GID8: variants seen among roughly 807,000 people sequenced by gnomAD.
The protein encoded by GID8 is GID complex subunit 8 homolog.
GID8 carries 6 observed loss-of-function variants against 27.4 expected under a neutral mutation model. The ratio of observed to expected loss-of-function variants is 0.22; its 90% CI spans 0.12 to 0.43. The LOEUF (loss-of-function observed/expected upper bound fraction) is 0.43, where lower values mean the gene tolerates loss of function less well. GID8 is among the 20% of genes least tolerant of loss of function. The probability of loss-of-function intolerance (pLI) is 1.00; values close to 1 mark genes in which losing one functional copy is unlikely to be tolerated. For missense variants in GID8, 173 were observed against 287.6 expected, an observed-to-expected ratio of 0.60 and a Z score of 2.88; for synonymous variants, 112 against 109.0, an observed-to-expected ratio of 1.03 and a Z score of -0.17.
intron 1 of GID8, among the ~76,000 whole-genome samples, 168 bp from the exon 2 acceptor site, chr20:62,941,323 T>C (rs554584718): frequency 5.3e-5 from 8 of 152,262 alleles, no homozygotes; most frequent in Admixed American, 5.2e-4. Flanking sequence ...AGTGAACTTA[T>C]TCTTTGCTAA....
Position 62,938,187 on chromosome 20 carries a change from C to A in GID8, c.-79C>A, listed in dbSNP as rs563952256. The A allele has an allele frequency of 4.8e-6, 1 of 209,654 alleles. No individual in the cohort carries two copies. The highest frequency in any genetic ancestry group is 9.5e-6 in the Non-Finnish European group (1 of 105,384). The allele number at this position is 209,654 out of a possible 1,614,324, so 13.0% of individuals were successfully genotyped here. ...CGCCCCGGCGGCCGCCACCTCTCCC[C>A]AGCCCAGGAGAGGCTGCGGAGCCGC... On this transcript the variant is annotated 5_prime_UTR_variant, in exon 1 of 5. Coordinates refer to ENST00000266069, the MANE Select transcript of GID8 (RefSeq NM_017896.3).
intron 2 of GID8, 30 bp from the exon 3 acceptor site, chr20:62,942,957 C>T (rs754643965): frequency 6.4e-7 from 1 of 1,560,004 alleles, no homozygotes; most frequent in Non-Finnish European, 8.8e-7. Flanking sequence ...TGCTAACTTT[C>T]CTAGCAGTGA....
chr20:62,948,177 G>T lies in GID8; in HGVS notation c.*3265G>T, dbSNP rs1202357705. ...TTGCCGTCTGTCTTCAGTAACTGCT[G>T]CTCTGTTAACTGTTCTATTCTGATA... On this transcript the variant is annotated 3_prime_UTR_variant, in exon 5 of 5. Coordinates refer to ENST00000266069, the MANE Select transcript of GID8 (RefSeq NM_017896.3). 6.6e-6 allele frequency: 1 copy of T among 152,230 alleles called. No individual in the cohort carries two copies. Among genetic ancestry groups the T allele is most frequent in the Non-Finnish European group, 1.5e-5 (1 of 68,052 alleles). The allele number at this position is 152,230 out of a possible 1,614,324, so 9.4% of individuals were successfully genotyped here. A position where few individuals can be genotyped will look rare whatever the true frequency, so the allele number is the denominator to read the frequency against.
Position 62,946,064 on chromosome 20 carries a change from A to G in GID8, c.*1152A>G, listed in dbSNP as rs1253978095. ...GGCACATGGCCTTGTAGCTCTGGGC[A>G]CAGATGTGTTTGGATTCATTGCAGC... On this transcript the variant is annotated 3_prime_UTR_variant, in exon 5 of 5. Transcript: ENST00000266069. The G allele has an allele frequency of 1.6e-6, 2 of 1,266,804 alleles. No individual in the cohort carries two copies. The highest frequency in any genetic ancestry group is 2.5e-5 in the South Asian group (2 of 80,484). The allele number at this position is 1,266,804 out of a possible 1,614,324, so 78.5% of individuals were successfully genotyped here. A position where few individuals can be genotyped will look rare whatever the true frequency, so the allele number is the denominator to read the frequency against.
At position 62,946,085 on chromosome 20, in the gene GID8, G is replaced by T. The variant is rs1377358683; in HGVS notation, c.*1173G>T. On this transcript the variant is annotated 3_prime_UTR_variant, in exon 5 of 5. Coordinates refer to ENST00000266069, the MANE Select transcript of GID8 (RefSeq NM_017896.3). ...GGGCACAGATGTGTTTGGATTCATTGCAGCGGACCACCGGGCACTGTTGAC... is the reference window on the plus strand; with the variant it reads ...GGGCACAGATGTGTTTGGATTCATTTCAGCGGACCACCGGGCACTGTTGAC... The T allele has an allele frequency of 8.4e-7, 1 of 1,183,670 alleles. No individual in the cohort carries two copies. The highest frequency in any genetic ancestry group is 1.1e-6 in the Non-Finnish European group (1 of 894,954). The allele number at this position is 1,183,670 out of a possible 1,614,324, so 73.3% of individuals were successfully genotyped here.
chr20:62,941,383 C>T (rs942052241), intron 1 of GID8, 108 bp from the exon 2 acceptor site: 16 of 663,016 alleles, frequency 2.4e-5, no homozygotes, highest in African/African-American at 9.0e-5. Context: ...GTTGTCTTTC[C>T]GTACATGCTC....
intron 1 of GID8, among the ~76,000 whole-genome samples, 154 bp from the exon 2 acceptor site, chr20:62,941,337 T>C (rs1381349701): frequency 1.3e-5 from 2 of 152,248 alleles, no homozygotes; most frequent in African/African-American, 4.8e-5. Flanking sequence ...TTGCTAAGCA[T>C]TGGCATTCTC....
intron 1 of GID8, among the ~76,000 whole-genome samples, chr20:62,939,000 C>T (rs2065423667): frequency 6.6e-6 from 1 of 152,170 alleles, no homozygotes; most frequent in Middle Eastern, 3.4e-3. Flanking sequence ...CTCCTGTTGT[C>T]CCAGTTACTC....
chr20:62,945,797 G>A lies in GID8; in HGVS notation c.*885G>A. On this transcript the variant is annotated 3_prime_UTR_variant, in exon 5 of 5. Coordinates refer to ENST00000266069, the MANE Select transcript of GID8 (RefSeq NM_017896.3). ...GAGCGGCCTTCATTAGAGCGAGGCAGCCCTTGGCCGGTGGGGACGCAGAGC... is the reference window on the plus strand; with the variant it reads ...GAGCGGCCTTCATTAGAGCGAGGCAACCCTTGGCCGGTGGGGACGCAGAGC... 1 of 1,284,070 alleles carries A rather than the reference G, an allele frequency of 7.8e-7. No homozygotes were observed. The highest frequency in any genetic ancestry group is 1.0e-6 in the Non-Finnish European group (1 of 985,030). 79.5% of individuals were successfully genotyped at this position (1,284,070 alleles called of 1,614,324 possible). A position where few individuals can be genotyped will look rare whatever the true frequency, so the allele number is the denominator to read the frequency against.
At position 62,947,353 on chromosome 20, in the gene GID8, CTT is replaced by C. The variant is rs34334590; in HGVS notation, c.*2443_*2444del. 4,068 of 152,438 alleles carry C rather than the reference CTT, an allele frequency of 0.027. 69 individuals carry two copies. Among genetic ancestry groups the C allele is most frequent in the African/African-American group, 0.035 (1,466 of 41,578 alleles). 9.4% of individuals were successfully genotyped at this position (152,438 alleles called of 1,614,324 possible). A position where few individuals can be genotyped will look rare whatever the true frequency, so the allele number is the denominator to read the frequency against. ...CACTTTCTTTGCTCCTTTTTACAGT[CTT>C]TGTCTTTGCAGCAAGCAAATGAAAT... On this transcript the variant is annotated 3_prime_UTR_variant, in exon 5 of 5. Transcript: ENST00000266069.
chr20:62,939,734 T>G (rs1156989579), intron 1 of GID8, among the ~76,000 whole-genome samples: 1 of 152,170 alleles, frequency 6.6e-6, no homozygotes, highest in Non-Finnish European at 1.5e-5. Context: ...CTGCCGATGT[T>G]CTCTCTCGCT....
intron 2 of GID8, among the ~76,000 whole-genome samples, chr20:62,942,270 T>C (rs932373397): frequency 2.6e-5 from 4 of 152,036 alleles, no homozygotes; most frequent in Non-Finnish European, 4.4e-5. Context: ...GGCAACATAG[T>C]GAGACCTTGT....
chr20:62,941,259 A>G (rs2065442352), intron 1 of GID8, among the ~76,000 whole-genome samples: 1 of 152,254 alleles, frequency 6.6e-6, no homozygotes, highest in South Asian at 2.1e-4. Context: ...AAGGAGTACC[A>G]GATTGTTTTT....
Position 62,945,359 on chromosome 20 carries a change from T to G in GID8, c.*447T>G, listed in dbSNP as rs910864140. On this transcript the variant is annotated 3_prime_UTR_variant, in exon 5 of 5. Transcript: ENST00000266069. The stretch of plus-strand genomic sequence containing the variant: ...TCCTTACCCCTGTGGTTTTTGTGTT[T>G]TTTTTTTTTTCTTTTTCCATAGGAA... 1.0e-4 allele frequency: 101 copies of G among 984,154 alleles called. No individual in the cohort carries two copies. The highest frequency in any genetic ancestry group is 2.9e-4 in the Admixed American group (5 of 17,192). The allele number at this position is 984,154 out of a possible 1,614,324, so 61.0% of individuals were successfully genotyped here. A position where few individuals can be genotyped will look rare whatever the true frequency, so the allele number is the denominator to read the frequency against.
chr20:62,942,931 C>G (rs2065449832), intron 2 of GID8, 56 bp from the exon 3 acceptor site: 1 of 1,335,986 alleles, frequency 7.5e-7, no homozygotes, highest in African/African-American at 1.4e-5. Context: ...GATACAAAGT[C>G]TTTGCCTTAA....
At chr20:62,944,673 T>A in intron 4 of GID8, 66 bp from the exon 5 acceptor site, 3 of 1,154,580 alleles carry the variant, frequency 2.6e-6, no homozygotes, top group South Asian at 1.3e-5. Flanking sequence ...AAACTGCCTC[T>A]TTTTAATAGA....
chr20:62,941,576 A>G lies in GID8; in HGVS notation c.74A>G (p.Gln25Arg). 3 of 1,612,176 alleles carry G rather than the reference A, an allele frequency of 1.9e-6. No homozygotes were observed. The highest frequency in any genetic ancestry group is 2.2e-5 in the East Asian group (1 of 44,884). ...GAAAAGCTCAATAACTTGCATGTCC[A>G]GAGAGCAGACATGAACCGCCTCATC... ...WMEKLNNLHV[Q>R]RADMNRLIMN... The change falls in exon 2 of 5, where the codon CAG (glutamine) becomes CGG (arginine). Residue 25 changes from glutamine to arginine, a missense_variant. Coordinates refer to ENST00000266069, the MANE Select transcript of GID8 (RefSeq NM_017896.3).
rs2065464287 is a variant in GID8, at chr20:62,945,880, T to G, written c.*968T>G. ...GAACGCGTGTTCATCCTCAGTGATC[T>G]GCCCTCCAGCATCTCGGCAGCATCT... On this transcript the variant is annotated 3_prime_UTR_variant, in exon 5 of 5. Transcript: ENST00000266069. The G allele has an allele frequency of 1.6e-6, 2 of 1,289,696 alleles. No individual in the cohort carries two copies. Among genetic ancestry groups the G allele is most frequent in the Middle Eastern group, 2.1e-4 (1 of 4,696 alleles). The allele number at this position is 1,289,696 out of a possible 1,614,324, so 79.9% of individuals were successfully genotyped here.
In GID8 at chr20:62,943,527, G is replaced by A; in HGVS notation, c.348G>A (p.Arg116=). 6.2e-7 allele frequency: 1 copy of A among 1,612,850 alleles called. No homozygotes were observed. The highest frequency in any genetic ancestry group is 8.5e-7 in the Non-Finnish European group (1 of 1,180,018). ...QQHLIELIRQ[R]ETEAALEFAQ... The stretch of plus-strand genomic sequence containing the variant: ...ATTTGATCGAGCTGATCCGCCAGCG[G>A]GAGACAGAGGCGGCGCTGGAGTTTG... Residue 116 remains arginine (R), a synonymous_variant, in exon 4 of 5, where the codon CGG becomes CGA. Transcript: ENST00000266069. This position sits in a 1 kb window ranked among gnomAD's most constrained non-coding sequence, Gnocchi z 4.7.
Sources: gnomAD v4.1 joint callset for allele counts (sites outside exome capture counted in the v4.1 genomes callset) on GRCh38, gnomAD v4.1.1 for gene constraint, Gnocchi (gnomAD v3.1) non-coding constraint, MANE v1.5 for transcripts, NCBI Gene and HGNC (gene_info 2026-07-23, HGNC 2026-07-21) for gene names.